The following HPSE2 variants were observed in gnomAD, a reference collection of about 807,000 sequenced individuals.
HPSE2 encodes the protein heparanase 2 (inactive).
In HPSE2, 38 loss-of-function variants were observed where a neutral mutation model predicts 60.5. That is an observed-to-expected ratio of 0.63 (90% CI 0.48 to 0.82). The LOEUF (loss-of-function observed/expected upper bound fraction) is 0.82. Ranked by LOEUF, HPSE2 falls within the 40% of genes least tolerant of loss-of-function variation. The probability of loss-of-function intolerance (pLI) is 0.00; values close to 1 mark genes in which losing one functional copy is unlikely to be tolerated. For missense variants in HPSE2, 713 were observed against 740.4 expected (o/e 0.96, Z 0.43); for synonymous variants, 295 against 293.2 (o/e 1.01, Z -0.06).
At chr10:99,246,674 G>A in the HPSE2 span, among the ~76,000 whole-genome samples, 4 of 150,864 alleles carry the variant, frequency 2.7e-5, 1 homozygote, top group South Asian at 8.5e-4. Flanking sequence ...TCAAACCAGG[G>A]AGGCAGAGGT....
intron 3 of HPSE2, among the ~76,000 whole-genome samples, chr10:98,876,902 T>A (rs1187909881): frequency 6.6e-6 from 1 of 151,924 alleles, no homozygotes; most frequent in African/African-American, 2.4e-5. Flanking sequence ...AACCAATAGA[T>A]GACTATTTAC....
the HPSE2 span, among the ~76,000 whole-genome samples, chr10:99,245,035 T>C: frequency 1.3e-5 from 2 of 152,246 alleles, no homozygotes; most frequent in Admixed American, 6.5e-5. Flanking sequence ...TGCTGATGAC[T>C]CTTGGGAAGT....
intron 9 of HPSE2, among the ~76,000 whole-genome samples, chr10:98,499,455 G>C (rs1280860388): frequency 6.6e-6 from 1 of 152,138 alleles, no homozygotes; most frequent in South Asian, 2.1e-4. Flanking sequence ...CAAATGTTAA[G>C]AGAATTCGCC....
the HPSE2 span, among the ~76,000 whole-genome samples, chr10:99,241,559 C>T: frequency 8.7e-4 from 133 of 152,250 alleles, 1 homozygote; most frequent in Middle Eastern, 3.4e-3. Flanking sequence ...GAGTTTGAGA[C>T]CAACCTGAGC....
chr10:98,546,100 T>C lies in HPSE2; in HGVS notation c.1321-55904A>G, dbSNP rs1377913374. ...ACCTAGGAATCCAACTTACAAGGGA[T>C]GTGAAGGACCTCTTCAAGGAGAACT... On this transcript the variant is annotated intron_variant, in intron 9 of 11. Coordinates refer to ENST00000370552, the MANE Select transcript of HPSE2 (RefSeq NM_021828.5). 3.0e-5 allele frequency among the ~76,000 whole-genome samples: 4 copies of C among 132,872 alleles called. 1 individual carries two copies. Among genetic ancestry groups the C allele is most frequent in the Non-Finnish European group, 6.8e-5 (4 of 59,150 alleles). The allele number at this position is 132,872 out of a possible 152,430, so 87.2% of individuals were successfully genotyped here.
In HPSE2 at chr10:98,457,710, G is replaced by A. The variant is rs141887539; in HGVS notation, c.*1864C>T. On this transcript the variant is annotated 3_prime_UTR_variant, in exon 12 of 12. Coordinates refer to ENST00000370552, the MANE Select transcript of HPSE2 (RefSeq NM_021828.5). Reference sequence around the variant, plus strand: ...TCTCTTATTTCCTACCCCCCGCCCCGCCCCCATCTTGGTACTTCACTTTCC... The same window carrying A: ...TCTCTTATTTCCTACCCCCCGCCCCACCCCCATCTTGGTACTTCACTTTCC... The A allele has an allele frequency of 0.015, 1,945 of 133,478 alleles. 11 individuals are homozygous for A. The highest frequency in any genetic ancestry group is 0.035 in the Middle Eastern group (9 of 258). The allele number at this position is 133,478 out of a possible 1,614,324, so 8.3% of individuals were successfully genotyped here. A position where few individuals can be genotyped will look rare whatever the true frequency, so the allele number is the denominator to read the frequency against.
At chr10:98,723,307 A>C (rs1013875835) in intron 4 of HPSE2, among the ~76,000 whole-genome samples, 8 of 152,158 alleles carry the variant, frequency 5.3e-5, no homozygotes, top group African/African-American at 1.7e-4. Context: ...CATCCCAGGG[A>C]TGAAGCCCAC....
In HPSE2 at chr10:98,688,475, TTC is replaced by T. The variant is rs1491294439; in HGVS notation, c.1004+5423_1004+5424del. On this transcript the variant is annotated intron_variant, in intron 6 of 11. Coordinates refer to ENST00000370552, the MANE Select transcript of HPSE2 (RefSeq NM_021828.5). ...TTTCCTTTAGCATTTCTTTTTTTTT[TTC>T]TTTTTTTTTTTTTTTTGAGGCAGAA... 5.5e-3 allele frequency among the ~76,000 whole-genome samples: 655 copies of T among 119,290 alleles called. 100 individuals carry two copies. Among genetic ancestry groups the T allele is most frequent in the African/African-American group, 0.017 (496 of 29,314 alleles). The allele number at this position is 119,290 out of a possible 152,430, so 78.3% of individuals were successfully genotyped here.
At chr10:99,223,221 G>A (rs1265131826) in intron 2 of HPSE2, among the ~76,000 whole-genome samples, 2 of 152,118 alleles carry the variant, frequency 1.3e-5, no homozygotes, top group Non-Finnish European at 2.9e-5. Flanking sequence ...GTCAAATGGG[G>A]TAAACAGTAC....
At chr10:98,853,137 A>G (rs1952223665) in intron 3 of HPSE2, among the ~76,000 whole-genome samples, 1 of 152,212 alleles carries the variant, frequency 6.6e-6, no homozygotes, top group Admixed American at 6.5e-5. Flanking sequence ...CTTCTTTGAA[A>G]ACTTCTTATG....
intron 2 of HPSE2, among the ~76,000 whole-genome samples, chr10:99,213,027 G>T (rs918728958): frequency 5.9e-5 from 9 of 152,068 alleles, no homozygotes; most frequent in Admixed American, 2.6e-4. Flanking sequence ...CATAAGGCCT[G>T]GAATAGGACA....
At position 99,148,817 on chromosome 10, in the gene HPSE2, CAATCAAT is replaced by C. The variant is rs374541415; in HGVS notation, c.449-4425_449-4419del. Among the ~76,000 whole-genome samples, 570 of 151,426 alleles carry C rather than the reference CAATCAAT, an allele frequency of 3.8e-3. 6 individuals are homozygous for C. Among genetic ancestry groups the C allele is most frequent in the African/African-American group, 0.013 (538 of 41,296 alleles). The stretch of plus-strand genomic sequence containing the variant: ...TCAATCAATCAATCAATCAATCAAT[CAATCAAT>C]AAAATAGTTGAAACTATGATTCAAT... On this transcript the variant is annotated intron_variant, in intron 2 of 11. Coordinates refer to ENST00000370552, the MANE Select transcript of HPSE2 (RefSeq NM_021828.5).
intron 9 of HPSE2, among the ~76,000 whole-genome samples, chr10:98,581,451 G>T (rs1352526688): frequency 6.6e-6 from 1 of 151,964 alleles, no homozygotes; most frequent in Non-Finnish European, 1.5e-5. Flanking sequence ...GAATTCCAGG[G>T]CTAGGGTCAT....
intron 3 of HPSE2, among the ~76,000 whole-genome samples, chr10:98,772,296 C>T (rs1050282875): frequency 6.6e-6 from 1 of 152,078 alleles, no homozygotes; most frequent in Non-Finnish European, 1.5e-5. Flanking sequence ...TAGTTAACAA[C>T]TGTAATCACA....
chr10:99,140,804 C>T (rs1173002252), intron 3 of HPSE2, among the ~76,000 whole-genome samples: 4 of 152,118 alleles, frequency 2.6e-5, no homozygotes, highest in Non-Finnish European at 5.9e-5. Context: ...TCTGGGAGGC[C>T]GAGGTGGGCG....
chr10:98,593,814 G>C (rs1189678896), intron 9 of HPSE2, among the ~76,000 whole-genome samples: 1 of 152,166 alleles, frequency 6.6e-6, no homozygotes, highest in African/African-American at 2.4e-5. Flanking sequence ...AACATAGTAT[G>C]AGATGTTTTA....
intron 3 of HPSE2, among the ~76,000 whole-genome samples, chr10:98,809,209 A>G (rs985288377): frequency 3.9e-5 from 6 of 152,192 alleles, no homozygotes; most frequent in East Asian, 1.9e-4. Flanking sequence ...AACAATGTCT[A>G]TTCATAAGTG....
chr10:99,105,064 A>G lies in HPSE2; in HGVS notation c.610+39174T>C, dbSNP rs1003585178. ...TACCCTAGAACTTAAAATATAATAAAAAAAAAAAAAAAGAAAAGCTAGGAG... is the reference window on the plus strand; with the variant it reads ...TACCCTAGAACTTAAAATATAATAAGAAAAAAAAAAAAGAAAAGCTAGGAG... On this transcript the variant is annotated intron_variant, in intron 3 of 11. Coordinates refer to ENST00000370552, the MANE Select transcript of HPSE2 (RefSeq NM_021828.5). 1.4e-4 allele frequency among the ~76,000 whole-genome samples: 21 copies of G among 150,276 alleles called. No individual in the cohort carries two copies. The East Asian group carries it at 1.6e-3, about 11-fold the overall frequency.
At chr10:99,193,628 A>G (rs572219981) in intron 2 of HPSE2, among the ~76,000 whole-genome samples, 1 of 152,274 alleles carries the variant, frequency 6.6e-6, no homozygotes, top group South Asian at 2.1e-4. Flanking sequence ...GAAGAGCAAG[A>G]GTAGCTATGT....
Sources: gnomAD v4.1 joint callset for allele counts (sites outside exome capture counted in the v4.1 genomes callset) on GRCh38, gnomAD v4.1.1 for gene constraint, MANE v1.5 for transcripts, NCBI Gene and HGNC (gene_info 2026-07-23, HGNC 2026-07-21) for gene names.